Variants in HK1 observed in about 807,000 individuals in gnomAD.
HK1 encodes hexokinase-1.
In HK1, 28 loss-of-function variants were observed where a neutral mutation model predicts 91.6. That is an observed-to-expected ratio of 0.31 (90% CI 0.23 to 0.42). The LOEUF (loss-of-function observed/expected upper bound fraction) is 0.42. HK1 is among the 10% of genes least tolerant of loss of function. The pLI, the probability that HK1 is intolerant of heterozygous loss-of-function variation, is 1.00. For synonymous variants in HK1, 430 were observed against 468.1 expected, an observed-to-expected ratio of 0.92 and a Z score of 1.05; for missense variants, 770 against 1,219.8, an observed-to-expected ratio of 0.63 and a Z score of 5.49.
intron 7 of HK1, among the ~76,000 whole-genome samples, chr10:69,370,219 G>A (rs560079661): frequency 9.2e-5 from 14 of 152,192 alleles, no homozygotes; most frequent in African/African-American, 3.1e-4. Flanking sequence ...CTTGGTGTGG[G>A]GCTCACAATG....
chr10:69,395,975 C>T (rs961587943), intron 16 of HK1, among the ~76,000 whole-genome samples: 4 of 152,058 alleles, frequency 2.6e-5, no homozygotes, highest in African/African-American at 4.8e-5. Flanking sequence ...AATAACCTAA[C>T]GTAGGCTCTG....
intron 15 of HK1, among the ~76,000 whole-genome samples, chr10:69,393,496 C>G (rs1324968881): frequency 6.6e-6 from 1 of 152,022 alleles, no homozygotes; most frequent in Non-Finnish European, 1.5e-5. Flanking sequence ...CAGGTTTCAC[C>G]ATGTTGGTCA....
chr10:69,299,084 C>T (rs1026072048), intron 4 of HK1, among the ~76,000 whole-genome samples: 31 of 151,650 alleles, frequency 2.0e-4, no homozygotes, highest in East Asian at 1.9e-4. Context: ...GGATTACAGG[C>T]GTGCGCCACC....
At chr10:69,376,845 G>A (rs1387590545) in intron 7 of HK1, 89 bp from the exon 8 acceptor site, 13 of 1,530,056 alleles carry the variant, frequency 8.5e-6, no homozygotes, top group Admixed American at 1.7e-5. Flanking sequence ...GGGTGAGTCG[G>A]GGCTTCCCAT....
At chr10:69,343,324 A>T (rs1848384666) in intron 1 of HK1, among the ~76,000 whole-genome samples, 1 of 152,134 alleles carries the variant, frequency 6.6e-6, no homozygotes, top group Non-Finnish European at 1.5e-5. Flanking sequence ...CTTGTCCTAT[A>T]TGTTAGGTCC....
Position 69,369,375 on chromosome 10 carries a change from A to C in HK1, c.691+39A>C, listed in dbSNP as rs939002984. 6.2e-7 allele frequency: 1 copy of C among 1,613,722 alleles called. No individual in the cohort carries two copies. Among genetic ancestry groups the C allele is most frequent in the African/African-American group, 1.3e-5 (1 of 75,038 alleles). On this transcript the variant is annotated intron_variant, in intron 6 of 17. Coordinates refer to ENST00000359426, the MANE Select transcript of HK1 (RefSeq NM_000188.3). The surrounding 1 kb of genome is among the most constrained non-coding windows in gnomAD (Gnocchi z 4.4). ...CTTTGCCCATCCATTTGTTCGGCCC[A>C]TCTTTCCAGGTGGCTCTGCACCCTC...
chr10:69,393,129 A>C (rs530390661), intron 15 of HK1, among the ~76,000 whole-genome samples: 1 of 152,002 alleles, frequency 6.6e-6, no homozygotes, highest in East Asian at 1.9e-4. Flanking sequence ...TTACAGGCAT[A>C]CACAACCATG....
chr10:69,299,592 C>G (rs993034885), intron 4 of HK1, among the ~76,000 whole-genome samples: 8 of 151,542 alleles, frequency 5.3e-5, no homozygotes, highest in Admixed American at 4.6e-4. Flanking sequence ...GTCTCGAACT[C>G]CTGACCTCGT....
chr10:69,338,474 C>T lies in HK1; in HGVS notation c.64-5353C>T, dbSNP rs1442661529. On this transcript the variant is annotated intron_variant, in intron 1 of 17. Coordinates refer to ENST00000359426, the MANE Select transcript of HK1 (RefSeq NM_000188.3). Reference sequence around the variant, plus strand: ...AGGGCCTGGGTTTCTGTCATGACTCCTGGGAACCTCTGTCTTCTGATAGAT... The same window carrying T: ...AGGGCCTGGGTTTCTGTCATGACTCTTGGGAACCTCTGTCTTCTGATAGAT... 9.3e-6 allele frequency: 12 copies of T among 1,283,428 alleles called. No homozygotes were observed. The Admixed American group carries it at 1.6e-4, about 17-fold the overall frequency. 79.5% of individuals were successfully genotyped at this position (1,283,428 alleles called of 1,614,324 possible).
rs536176005 is a variant in HK1, at chr10:69,326,199, G to A, written c.63+7189G>A. 4.2e-3 allele frequency among the ~76,000 whole-genome samples: 635 copies of A among 151,600 alleles called. 5 individuals carry two copies. Among genetic ancestry groups the A allele is most frequent in the Non-Finnish European group, 7.5e-3 (508 of 67,902 alleles). ...TGGAACACTTCGTGAGTGTCATGTC[G>A]GGTATGAATTATATATATATGTAAT... On this transcript the variant is annotated intron_variant, in intron 1 of 17. Coordinates refer to ENST00000359426, the MANE Select transcript of HK1 (RefSeq NM_000188.3).
rs769241504 is a variant in HK1, at chr10:69,401,133, TAA to T, written c.2753_2754del (p.Ter918=). ...GCGGTTACGCACAGAGGCAAGCAGC[TAA>T]GAGTCCGGGATCCCCAGCCTACTGC... ...GVRLRTEASS[*>X] On this transcript the variant is annotated frameshift_variant and stop_lost, in exon 18 of 18. Transcript: ENST00000359426. LOFTEE classifies it high-confidence loss of function. 1.9e-6 allele frequency: 3 copies of T among 1,613,504 alleles called. No homozygotes were observed. The highest frequency in any genetic ancestry group is 4.5e-5 in the East Asian group (2 of 44,878).
intron 2 of HK1, among the ~76,000 whole-genome samples, chr10:69,358,133 A>T (rs980084233): frequency 2.6e-5 from 4 of 152,128 alleles, no homozygotes; most frequent in Non-Finnish European, 4.4e-5. Context: ...TGTGCTGTGG[A>T]AGGCAGGGGT....
intron 1 of HK1, among the ~76,000 whole-genome samples, chr10:69,332,266 C>T (rs1051471278): frequency 6.6e-5 from 10 of 152,092 alleles, no homozygotes; most frequent in East Asian, 3.9e-4. Flanking sequence ...ATGTGTAAGC[C>T]ACAGTTTCCT....
chr10:69,338,229 T>G, intron 1 of HK1: 1 of 1,108,550 alleles, frequency 9.0e-7, no homozygotes, highest in Non-Finnish European at 1.1e-6. Flanking sequence ...GTGCAGCCGG[T>G]CTGGCTACCC....
intron 2 of HK1, among the ~76,000 whole-genome samples, chr10:69,283,321 G>A (rs1251740756): frequency 2.0e-5 from 3 of 150,156 alleles, no homozygotes; most frequent in African/African-American, 7.4e-5. Context: ...TGACGTGGTG[G>A]TGCATGCCTG....
At chr10:69,382,241 GT>G (rs1283405802) in intron 9 of HK1, among the ~76,000 whole-genome samples, 2 of 152,128 alleles carry the variant, frequency 1.3e-5, no homozygotes, top group Non-Finnish European at 2.9e-5. Flanking sequence ...ATACAAAAAA[GT>G]TAGCCGGGCG....
intron 1 of HK1, among the ~76,000 whole-genome samples, chr10:69,327,667 T>C (rs1487732764): frequency 6.6e-6 from 1 of 152,194 alleles, no homozygotes; most frequent in Non-Finnish European, 1.5e-5. Flanking sequence ...TCCGTGGTCA[T>C]GCCAGTTCAC....
chr10:69,344,140 CATCT>C, intron 2 of HK1, 151 bp downstream of exon 2: 189 of 807,910 alleles, frequency 2.3e-4, no homozygotes, highest in Non-Finnish European at 3.1e-4. Context: ...TCCGCTGATC[CATCT>C]GCTGATCCAT....
At chr10:69,318,192 G>A, upstream of HK1, 1 of 985,452 alleles carries the variant, frequency 1.0e-6, no homozygotes, top group Non-Finnish European at 1.2e-6. Flanking sequence ...GAGATTAGGC[G>A]GGGCACGCCG....
Sources: allele counts gnomAD v4.1 joint callset (sites outside exome capture counted in the v4.1 genomes callset), GRCh38; gene constraint gnomAD v4.1.1; non-coding constraint Gnocchi (gnomAD v3.1); transcripts MANE v1.5; gene names NCBI Gene and HGNC (gene_info 2026-07-23, HGNC 2026-07-21).